The following PGGT1B variants were observed in gnomAD, a reference collection of about 807,000 sequenced individuals.
PGGT1B encodes the protein geranylgeranyl transferase type-1 subunit beta.
A neutral mutation model predicts 46.1 loss-of-function variants in PGGT1B; 30 were observed. The observed-to-expected ratio is 0.65, with a 90% confidence interval of 0.49 to 0.88. PGGT1B has a LOEUF of 0.88. Ranked by LOEUF, PGGT1B falls within the 40% of genes least tolerant of loss-of-function variation. The pLI is 0.00. For synonymous variants in PGGT1B, 170 were observed against 160.0 expected, an observed-to-expected ratio of 1.06 and a Z score of -0.47; for missense variants, 376 against 455.9, an observed-to-expected ratio of 0.82 and a Z score of 1.60.
At position 115,206,916 on chromosome 5, in the gene PGGT1B, T is replaced by C. The variant is rs1368325570; in HGVS notation, c.*5486A>G. 6.6e-6 allele frequency: 1 copy of C among 151,806 alleles called. No homozygotes were observed. Among genetic ancestry groups the C allele is most frequent in the African/African-American group, 2.4e-5 (1 of 41,390 alleles). The allele number at this position is 151,806 out of a possible 1,614,324, so 9.4% of individuals were successfully genotyped here. On this transcript the variant is annotated 3_prime_UTR_variant, in exon 9 of 9. Transcript: ENST00000419445. ...TAGTATGTTCTCTCAAATAACAATA[T>C]AATTTTTATTGGAATGGCACTGAAT...
At chr5:115,229,156 A>C (rs1490572570) in intron 6 of PGGT1B, among the ~76,000 whole-genome samples, 1 of 152,142 alleles carries the variant, frequency 6.6e-6, no homozygotes, top group East Asian at 1.9e-4. Context: ...AGCCTATCTA[A>C]CCTCATAGCA....
At chr5:115,242,719 T>G (rs962480569) in intron 2 of PGGT1B, among the ~76,000 whole-genome samples, 1 of 152,138 alleles carries the variant, frequency 6.6e-6, no homozygotes, top group Non-Finnish European at 1.5e-5. Context: ...ATCCCAGCAC[T>G]TGGGGAGGAG....
At position 115,221,926 on chromosome 5, in the gene PGGT1B, C is replaced by T. The variant is rs1012229067; in HGVS notation, c.741G>A (p.Arg247=). 2 of 1,608,138 alleles carry T rather than the reference C, an allele frequency of 1.2e-6. No individual in the cohort carries two copies. Among genetic ancestry groups the T allele is most frequent in the African/African-American group, 1.3e-5 (1 of 74,564 alleles). The change falls in exon 7 of 9, where the codon AGG becomes AGA. Residue 247 remains arginine (R), a synonymous_variant. Transcript: ENST00000419445. ...GCCTCATTATACACCACCTCTTTAT[C>T]CTGTTCAATTCTTTTTCTGAAAAAA... The part of the protein sequence containing the change: ...EEVFSEKELN[R]IKRWCIMRQQ...
chr5:115,248,839 A>G (rs1747968893), intron 2 of PGGT1B, among the ~76,000 whole-genome samples: 1 of 152,216 alleles, frequency 6.6e-6, no homozygotes, highest in Non-Finnish European at 1.5e-5. Context: ...TTCTTGGGAC[A>G]GGCCAATTAG....
chr5:115,247,466 T>G (rs967629630), intron 2 of PGGT1B, among the ~76,000 whole-genome samples: 1 of 152,192 alleles, frequency 6.6e-6, no homozygotes, highest in African/African-American at 2.4e-5. Context: ...AATCCTCATT[T>G]TAAAAGTTTT....
At chr5:115,223,924 T>A (rs1194267997) in intron 6 of PGGT1B, among the ~76,000 whole-genome samples, 1 of 152,194 alleles carries the variant, frequency 6.6e-6, no homozygotes, top group Admixed American at 6.6e-5. Flanking sequence ...TCCTAATACA[T>A]CTCATGCCTT....
At position 115,209,984 on chromosome 5, in the gene PGGT1B, C is replaced by T. The variant is rs1432572947; in HGVS notation, c.*2418G>A. The stretch of plus-strand genomic sequence containing the variant: ...ACTGTCTCTCAAAAATGATCAGGTC[C>T]AACAGTTTTCAAATTATATACCACT... On this transcript the variant is annotated 3_prime_UTR_variant, in exon 9 of 9. Coordinates refer to ENST00000419445, the MANE Select transcript of PGGT1B (RefSeq NM_005023.4). 6.6e-6 allele frequency: 1 copy of T among 151,916 alleles called. No homozygotes were observed. The highest frequency in any genetic ancestry group is 1.5e-5 in the Non-Finnish European group (1 of 67,968). 9.4% of individuals were successfully genotyped at this position (151,916 alleles called of 1,614,324 possible). A position where few individuals can be genotyped will look rare whatever the true frequency, so the allele number is the denominator to read the frequency against.
rs1756078566 is a variant in PGGT1B, at chr5:115,206,761, G to A, written c.*5641C>T. On this transcript the variant is annotated 3_prime_UTR_variant, in exon 9 of 9. Coordinates refer to ENST00000419445, the MANE Select transcript of PGGT1B (RefSeq NM_005023.4). ...TCTTTATGCTAAATCTATAGATAGA[G>A]AGTATCTGGGCCAAAAAGTGTGCAC... 1 of 151,816 alleles carries A rather than the reference G, an allele frequency of 6.6e-6. No homozygotes were observed. Among genetic ancestry groups the A allele is most frequent in the South Asian group, 2.1e-4 (1 of 4,824 alleles). 9.4% of individuals were successfully genotyped at this position (151,816 alleles called of 1,614,324 possible).
intron 7 of PGGT1B, among the ~76,000 whole-genome samples, chr5:115,218,804 C>A (rs1756501609): frequency 6.6e-6 from 1 of 151,778 alleles, no homozygotes; most frequent in Admixed American, 6.6e-5. Flanking sequence ...TTACTATAGA[C>A]TAGCAATGAA....
chr5:115,249,907 T>C (rs1748016459), intron 2 of PGGT1B, among the ~76,000 whole-genome samples: 4 of 152,198 alleles, frequency 2.6e-5, no homozygotes. Context: ...TTGTTTTGAC[T>C]GAATTTCCCT....
chr5:115,234,959 C>T (rs1200533266), intron 5 of PGGT1B, among the ~76,000 whole-genome samples: 1 of 151,976 alleles, frequency 6.6e-6, no homozygotes, highest in Non-Finnish European at 1.5e-5. Context: ...ATCGCAATAC[C>T]AATGAGCATA....
intron 5 of PGGT1B, among the ~76,000 whole-genome samples, chr5:115,234,889 G>T (rs1757126702): frequency 6.6e-6 from 1 of 152,022 alleles, no homozygotes; most frequent in Non-Finnish European, 1.5e-5. Context: ...TCTGTAAGGG[G>T]ATGCCTATGT....
intron 5 of PGGT1B, among the ~76,000 whole-genome samples, chr5:115,232,776 G>A (rs1465887190): frequency 6.6e-6 from 1 of 151,952 alleles, no homozygotes; most frequent in African/African-American, 2.4e-5. Context: ...GGTAAACACA[G>A]CACTGGCTAT....
At chr5:115,257,530 C>CAAAAAAAAAAAAA (rs1169870044) in intron 1 of PGGT1B, among the ~76,000 whole-genome samples, 4 of 72,076 alleles carry the variant, frequency 5.5e-5, no homozygotes, top group African/African-American at 1.6e-4. Context: ...AACTCCATCT[C>CAAAAAAAAAAAAA]AAAAAAAAAA....
At position 115,245,870 on chromosome 5, in the gene PGGT1B, T is replaced by C. The variant is rs1201719648; in HGVS notation, c.260-4264A>G. ...GGACTATGAAACTGGATAAAGAAGT[T>C]TATTCTAAAGTTTATACTTTATTCT... is the stretch of plus-strand genomic sequence containing the variant. On this transcript the variant is annotated intron_variant, in intron 2 of 8. Coordinates refer to ENST00000419445, the MANE Select transcript of PGGT1B (RefSeq NM_005023.4). Among the ~76,000 whole-genome samples, 5 of 152,218 alleles carry C rather than the reference T, an allele frequency of 3.3e-5. No individual in the cohort carries two copies. The East Asian group carries it at 9.6e-4, about 29-fold the overall frequency.
intron 6 of PGGT1B, among the ~76,000 whole-genome samples, chr5:115,227,422 G>C (rs1268729424): frequency 6.6e-6 from 1 of 152,194 alleles, no homozygotes; most frequent in East Asian, 1.9e-4. Context: ...AACAAAGGCA[G>C]TGATGCTGGT....
intron 7 of PGGT1B, among the ~76,000 whole-genome samples, chr5:115,218,077 A>G (rs1393956870): frequency 6.6e-5 from 10 of 152,002 alleles, no homozygotes; most frequent in Admixed American, 5.9e-4. Flanking sequence ...GTAACCTTAT[A>G]TAGCATTGGA....
intron 8 of PGGT1B, 65 bp downstream of exon 8, chr5:115,216,800 A>G (rs565403154): frequency 1.2e-6 from 1 of 820,068 alleles, no homozygotes; most frequent in East Asian, 2.4e-5. Flanking sequence ...GCCTTTTCTG[A>G]TAAAGATGCT....
At chr5:115,235,754 C>A (rs960629799) in intron 5 of PGGT1B, among the ~76,000 whole-genome samples, 1 of 152,086 alleles carries the variant, frequency 6.6e-6, no homozygotes, top group Non-Finnish European at 1.5e-5. Flanking sequence ...CACTGTTACA[C>A]ACTCACTTAA....
Sources: allele counts gnomAD v4.1 joint callset (sites outside exome capture counted in the v4.1 genomes callset), GRCh38; gene constraint gnomAD v4.1.1; transcripts MANE v1.5; gene names NCBI Gene and HGNC (gene_info 2026-07-23, HGNC 2026-07-21).